Variants in FNDC3A observed in about 807,000 individuals in gnomAD.
The protein encoded by FNDC3A is fibronectin type III domain containing 3A.
A neutral mutation model predicts 148.9 loss-of-function variants in FNDC3A; 32 were observed. The observed-to-expected ratio is 0.21, with a 90% CI of 0.16 to 0.29. The LOEUF is 0.29. Among genes scored for constraint, FNDC3A ranks in the 10% least tolerant of loss-of-function variants. The probability of loss-of-function intolerance (pLI) is 1.00; values close to 1 mark genes in which losing one functional copy is unlikely to be tolerated. For missense variants in FNDC3A, 1,191 were observed against 1,452.8 expected, an observed-to-expected ratio of 0.82 and a Z score of 2.93; for synonymous variants, 472 against 473.6, an observed-to-expected ratio of 1.00 and a Z score of 0.04.
intron 5 of FNDC3A, among the ~76,000 whole-genome samples, chr13:49,133,799 C>T (rs1882173731): frequency 1.3e-5 from 2 of 152,268 alleles, no homozygotes; most frequent in Middle Eastern, 6.8e-3. Context: ...GGCCACACTG[C>T]TAGTTAATTG....
At chr13:49,079,669 T>C (rs911590574) in intron 3 of FNDC3A, among the ~76,000 whole-genome samples, 2 of 152,162 alleles carry the variant, frequency 1.3e-5, no homozygotes, top group Non-Finnish European at 2.9e-5. Context: ...ACAAACATCA[T>C]TGGAAATGTT....
intron 8 of FNDC3A, among the ~76,000 whole-genome samples, chr13:49,153,213 A>G (rs1883429981): frequency 6.6e-6 from 1 of 150,858 alleles, no homozygotes; most frequent in Non-Finnish European, 1.5e-5. Context: ...TTGCCATTCT[A>G]ACTGGTGTGA....
At chr13:49,021,600 A>G (rs1366573053) in intron 2 of FNDC3A, among the ~76,000 whole-genome samples, 1 of 152,162 alleles carries the variant, frequency 6.6e-6, no homozygotes, top group Non-Finnish European at 1.5e-5. Flanking sequence ...TAGGGAATAG[A>G]GCAAATTAAA....
At chr13:48,987,762 A>G (rs748666178) in intron 1 of FNDC3A, among the ~76,000 whole-genome samples, 1 of 152,234 alleles carries the variant, frequency 6.6e-6, no homozygotes, top group East Asian at 1.9e-4. Context: ...TAAATTGTTG[A>G]TATTTTAAAG....
At chr13:49,165,789 G>C (rs1884423464) in intron 8 of FNDC3A, among the ~76,000 whole-genome samples, 1 of 152,174 alleles carries the variant, frequency 6.6e-6, no homozygotes, top group Non-Finnish European at 1.5e-5. Flanking sequence ...GTTCCAAGCA[G>C]TCCATGCTGA....
In FNDC3A at chr13:49,140,305, C is replaced by T. The variant is rs117831147; in HGVS notation, c.819+1500C>T. On this transcript the variant is annotated intron_variant, in intron 7 of 25. Transcript: ENST00000492622. ...GAACTAAGATTGTGCCTTTTCACTC[C>T]AGCCTGGGTGACAGAGCAAGAACCT... 4.2e-4 allele frequency among the ~76,000 whole-genome samples: 64 copies of T among 152,200 alleles called. No homozygotes were observed. The East Asian group carries it at 0.012, about 29-fold the overall frequency.
At chr13:49,197,085 AT>A (rs1223005146) in intron 20 of FNDC3A, 95 bp downstream of exon 20, 6 of 680,462 alleles carry the variant, frequency 8.8e-6, no homozygotes, top group Non-Finnish European at 1.4e-5. Context: ...TACCGCCTAT[AT>A]TATACAGAGT....
chr13:49,088,919 G>GAAAT (rs903612778), intron 3 of FNDC3A, among the ~76,000 whole-genome samples: 97 of 152,236 alleles, frequency 6.4e-4, no homozygotes, highest in African/African-American at 2.0e-3. Flanking sequence ...GCAGTTAAGT[G>GAAAT]AAATAAATCA....
chr13:49,208,710 T>G lies in FNDC3A; in HGVS notation c.*1315T>G, dbSNP rs1331342466. On this transcript the variant is annotated 3_prime_UTR_variant, in exon 26 of 26. Transcript: ENST00000492622. Reference sequence around the variant, plus strand: ...GTAATAATACAGTTTATAATGAAACTATCTACAATTCTTGTTTTAGCACAT... The same window carrying G: ...GTAATAATACAGTTTATAATGAAACGATCTACAATTCTTGTTTTAGCACAT... The G allele has an allele frequency of 1.3e-5, 2 of 152,696 alleles. No individual in the cohort carries two copies. Among genetic ancestry groups the G allele is most frequent in the Non-Finnish European group, 2.9e-5 (2 of 68,046 alleles). 9.5% of individuals were successfully genotyped at this position (152,696 alleles called of 1,614,324 possible). A position where few individuals can be genotyped will look rare whatever the true frequency, so the allele number is the denominator to read the frequency against.
intron 23 of FNDC3A, chr13:49,201,001 A>G (rs1886395195): frequency 6.4e-6 from 1 of 155,998 alleles, no homozygotes; most frequent in Non-Finnish European, 1.4e-5. Flanking sequence ...GGCTTATCCA[A>G]TTACTGCTTA....
rs1339474213 is a variant in FNDC3A at position 49,178,837 on chromosome 13, A to C, written c.1617+183A>C. Among the ~76,000 whole-genome samples the C allele has an allele frequency of 2.0e-5, 3 of 152,044 alleles. 1 individual carries two copies. Among genetic ancestry groups the C allele is most frequent in the African/African-American group, 7.2e-5 (3 of 41,410 alleles). On this transcript the variant is annotated intron_variant, in intron 14 of 25. Transcript: ENST00000492622. ...AGCCACAACCTCCTGGGCTCAAGTC[A>C]TCCTCCCACCTCAGCTTCCCAAGCA...
At chr13:49,082,174 T>G (rs1878522083) in intron 3 of FNDC3A, among the ~76,000 whole-genome samples, 1 of 152,066 alleles carries the variant, frequency 6.6e-6, no homozygotes, top group African/African-American at 2.4e-5. Flanking sequence ...TCACCTGTGG[T>G]CAGGAGTTCG....
At chr13:49,172,871 G>T (rs978337380) in intron 11 of FNDC3A, among the ~76,000 whole-genome samples, 4 of 152,248 alleles carry the variant, frequency 2.6e-5, no homozygotes, top group South Asian at 2.1e-4. Context: ...TAGTACAGGG[G>T]TGTCCAGTCT....
intron 6 of FNDC3A, among the ~76,000 whole-genome samples, chr13:49,138,022 T>G (rs1882480253): frequency 6.6e-6 from 1 of 152,192 alleles, no homozygotes; most frequent in South Asian, 2.1e-4. Flanking sequence ...AAATTGATAT[T>G]TACTATCAAA....
At chr13:48,982,449 A>G (rs1005492069) in intron 1 of FNDC3A, among the ~76,000 whole-genome samples, 2 of 152,106 alleles carry the variant, frequency 1.3e-5, no homozygotes, top group Admixed American at 6.5e-5. Context: ...TCAGATTGGT[A>G]TTCCTGAAAT....
At chr13:49,063,755 T>A (rs2137749203) in intron 2 of FNDC3A, among the ~76,000 whole-genome samples, 1 of 152,300 alleles carries the variant, frequency 6.6e-6, no homozygotes, top group East Asian at 1.9e-4. Flanking sequence ...CTGGGCCTGA[T>A]AAATTTTACA....
In FNDC3A at chr13:49,132,849, T is replaced by G. The variant is rs75548405; in HGVS notation, c.490+1475T>G. Among the ~76,000 whole-genome samples the G allele has an allele frequency of 9.5e-3, 1,450 of 152,332 alleles. 14 individuals are homozygous for G. Among genetic ancestry groups the G allele is most frequent in the African/African-American group, 0.023 (941 of 41,580 alleles). On this transcript the variant is annotated intron_variant, in intron 5 of 25. Coordinates refer to ENST00000492622, the MANE Select transcript of FNDC3A (RefSeq NM_001079673.2). ...ACCTTGTTAGTCTCTAGCACTGAAC[T>G]TTGTATCTTTCACAGAACTTAACAC...
intron 1 of FNDC3A, among the ~76,000 whole-genome samples, chr13:48,997,356 G>C (rs1952042169): frequency 6.6e-6 from 1 of 152,202 alleles, no homozygotes; most frequent in South Asian, 2.1e-4. Context: ...CAGAATACAT[G>C]TATAAGGAAA....
At chr13:49,006,319 T>C in intron 2 of FNDC3A, 30 bp downstream of exon 2, 1 of 1,277,038 alleles carries the variant, frequency 7.8e-7, no homozygotes, top group Non-Finnish European at 1.1e-6. Context: ...TATTTCTTTA[T>C]GTCTAATACA....
Sources: allele counts gnomAD v4.1 joint callset (sites outside exome capture counted in the v4.1 genomes callset), GRCh38; gene constraint gnomAD v4.1.1; transcripts MANE v1.5; gene names NCBI Gene and HGNC (gene_info 2026-07-23, HGNC 2026-07-21).